CNTNAP5: variants seen among roughly 807,000 people sequenced by gnomAD.
CNTNAP5 encodes contactin-associated protein-like 5.
Under a neutral mutation model 150.2 loss-of-function variants are expected in CNTNAP5, and 72 were observed. The ratio of observed to expected loss-of-function variants is 0.48; its 90% CI spans 0.40 to 0.58. The LOEUF (loss-of-function observed/expected upper bound fraction) is 0.58. Among genes scored for constraint, CNTNAP5 ranks in the 20% least tolerant of loss-of-function variants. The pLI is 0.00. For missense variants in CNTNAP5, 1,636 were observed against 1,626.2 expected (o/e 1.01, Z -0.10); for synonymous variants, 672 against 619.8 (o/e 1.08, Z -1.25).
chr2:124,329,183 G>A (rs1220298924), intron 3 of CNTNAP5, among the ~76,000 whole-genome samples: 1 of 152,180 alleles, frequency 6.6e-6, no homozygotes, highest in African/African-American at 2.4e-5. Context: ...GAAGTGGGAA[G>A]TGAAACTTCA....
intron 21 of CNTNAP5, among the ~76,000 whole-genome samples, chr2:124,887,752 T>A (rs893038905): frequency 4.6e-5 from 7 of 152,040 alleles, no homozygotes; most frequent in Non-Finnish European, 8.8e-5. Context: ...TTACCACATT[T>A]TCATTCCTGG....
intron 3 of CNTNAP5, among the ~76,000 whole-genome samples, chr2:124,380,830 A>G (rs1690773451): frequency 6.6e-6 from 1 of 152,218 alleles, no homozygotes; most frequent in African/African-American, 2.4e-5. Flanking sequence ...CAGAAAATTT[A>G]CGTTCCACTG....
At chr2:124,261,770 A>C (rs1477887168) in intron 3 of CNTNAP5, among the ~76,000 whole-genome samples, 1 of 152,204 alleles carries the variant, frequency 6.6e-6, no homozygotes, top group Non-Finnish European at 1.5e-5. Context: ...CTGTTCAGGT[A>C]CCAGTCCTCC....
intron 8 of CNTNAP5, 98 bp downstream of exon 8, chr2:124,504,654 A>T: frequency 8.9e-7 from 1 of 1,127,968 alleles, no homozygotes. Context: ...TCTCAGGGAT[A>T]TGGGTTAGCC....
intron 11 of CNTNAP5, among the ~76,000 whole-genome samples, chr2:124,569,110 A>G (rs1696095538): frequency 6.6e-6 from 1 of 152,114 alleles, no homozygotes; most frequent in Non-Finnish European, 1.5e-5. Flanking sequence ...GTTTACTTAA[A>G]CAAACCTCAG....
chr2:124,336,189 G>A (rs1012969810), intron 3 of CNTNAP5, among the ~76,000 whole-genome samples: 1 of 152,098 alleles, frequency 6.6e-6, no homozygotes, highest in Non-Finnish European at 1.5e-5. Flanking sequence ...CTTGGACCAA[G>A]GAAGGTGAGG....
At chr2:124,658,709 T>C (rs1484988416) in intron 13 of CNTNAP5, among the ~76,000 whole-genome samples, 1 of 152,310 alleles carries the variant, frequency 6.6e-6, no homozygotes, top group African/African-American at 2.4e-5. Context: ...TTTATTACTG[T>C]AGCATATGTT....
intron 7 of CNTNAP5, among the ~76,000 whole-genome samples, 154 bp downstream of exon 7, chr2:124,475,036 G>A (rs1006889743): frequency 6.6e-6 from 1 of 151,994 alleles, no homozygotes; most frequent in Non-Finnish European, 1.5e-5. Context: ...GAAAGAGAAT[G>A]GCAGATATTG....
chr2:124,146,224 C>G (rs76123438), intron 1 of CNTNAP5, among the ~76,000 whole-genome samples: 7,411 of 152,208 alleles, frequency 0.049, 289 homozygotes, highest in South Asian at 0.16. Flanking sequence ...CAGACCCGAG[C>G]TGTTAAATGC....
In CNTNAP5 at chr2:124,919,831, G is replaced by A. The variant is rs1471845903; in HGVS notation, c.*5543G>A. Among the ~76,000 whole-genome samples, 1 of 151,616 alleles carries A rather than the reference G, an allele frequency of 6.6e-6. No individual in the cohort carries two copies. Reference sequence around the variant, plus strand: ...TTATTATAATTATCTAACCTGCCCAGGTTAAGCACCCAGATGCAACTTTCA... The same window carrying A: ...TTATTATAATTATCTAACCTGCCCAAGTTAAGCACCCAGATGCAACTTTCA... On this transcript the variant is annotated 3_prime_UTR_variant, in exon 24 of 24. Transcript: ENST00000682447.
intron 4 of CNTNAP5, among the ~76,000 whole-genome samples, chr2:124,418,653 T>C (rs572433152): frequency 1.3e-5 from 2 of 152,286 alleles, no homozygotes; most frequent in African/African-American, 4.8e-5. Context: ...TCAGAAAGAA[T>C]ATGGTTTAGA....
chr2:124,121,458 A>G (rs866857308), intron 1 of CNTNAP5, among the ~76,000 whole-genome samples: 2 of 152,138 alleles, frequency 1.3e-5, no homozygotes, highest in South Asian at 2.1e-4. Flanking sequence ...CACCGACATC[A>G]GCACACCCAA....
intron 1 of CNTNAP5, among the ~76,000 whole-genome samples, chr2:124,035,618 A>C (rs1681193079): frequency 6.6e-6 from 1 of 152,084 alleles, no homozygotes; most frequent in South Asian, 2.1e-4. Flanking sequence ...GAAGCATGTA[A>C]TTTCTTAAAT....
At chr2:124,224,861 A>T (rs1323285845) in intron 2 of CNTNAP5, among the ~76,000 whole-genome samples, 2 of 152,100 alleles carry the variant, frequency 1.3e-5, no homozygotes, top group Non-Finnish European at 2.9e-5. Context: ...ATACTGATTT[A>T]TTTGCTTCCT....
chr2:124,644,148 TA>T (rs2105023640), intron 12 of CNTNAP5, among the ~76,000 whole-genome samples: 1 of 152,328 alleles, frequency 6.6e-6, no homozygotes, highest in Admixed American at 6.5e-5. Flanking sequence ...CTCACCCATC[TA>T]AAGGATGGTC....
intron 3 of CNTNAP5, among the ~76,000 whole-genome samples, chr2:124,396,387 TGCTGGAA>T (rs1313179654): frequency 6.6e-6 from 1 of 152,190 alleles, no homozygotes; most frequent in Non-Finnish European, 1.5e-5. Flanking sequence ...GCAGAGGAGC[TGCTGGAA>T]GCATGATTAA....
intron 1 of CNTNAP5, among the ~76,000 whole-genome samples, chr2:124,122,110 C>T (rs931401818): frequency 1.3e-5 from 2 of 152,088 alleles, no homozygotes; most frequent in East Asian, 3.9e-4. Context: ...ATTCATGGCT[C>T]GTTATGCACA....
At chr2:124,645,668 T>C (rs1349432971) in intron 12 of CNTNAP5, among the ~76,000 whole-genome samples, 2 of 152,236 alleles carry the variant, frequency 1.3e-5, no homozygotes, top group African/African-American at 4.8e-5. Flanking sequence ...TCAGAATGTT[T>C]GAGCACAGTT....
At position 124,622,489 on chromosome 2, in the gene CNTNAP5, A is replaced by G. The variant is rs114522767; in HGVS notation, c.1876+12569A>G. Among the ~76,000 whole-genome samples the G allele has an allele frequency of 2.9e-3, 439 of 152,224 alleles. 1 individual carries two copies. The highest frequency in any genetic ancestry group is 5.4e-3 in the Non-Finnish European group (367 of 68,020). On this transcript the variant is annotated intron_variant, in intron 12 of 23. Transcript: ENST00000682447. ...AGATTCCTTTGGGTATATAACCGGT[A>G]ACAGGATTGCTGGGTCAAATGGTAT...
Sources: allele counts gnomAD v4.1 joint callset (sites outside exome capture counted in the v4.1 genomes callset), GRCh38; gene constraint gnomAD v4.1.1; transcripts MANE v1.5; gene names NCBI Gene and HGNC (gene_info 2026-07-23, HGNC 2026-07-21).